Variants in DPP10 observed in about 807,000 individuals in gnomAD.
The protein encoded by DPP10 is inactive dipeptidyl peptidase 10.
In DPP10, 33 loss-of-function variants were observed where a neutral mutation model predicts 120.9. The observed-to-expected ratio is 0.27, with a 90% CI of 0.21 to 0.37. DPP10 has a LOEUF of 0.37. Ranked by LOEUF, DPP10 falls within the 10% of genes least tolerant of loss-of-function variation. The pLI, the probability that DPP10 is intolerant of heterozygous loss-of-function variation, is 1.00. For missense variants in DPP10, 816 were observed against 942.8 expected (o/e 0.87, Z 1.76); for synonymous variants, 337 against 326.1 (o/e 1.03, Z -0.36).
chr2:114,463,828 C>T (rs1342735158), intron 1 of DPP10, among the ~76,000 whole-genome samples: 2 of 152,170 alleles, frequency 1.3e-5, no homozygotes, highest in African/African-American at 4.8e-5. Context: ...CCCTTCAAAT[C>T]TCTGATCAGT....
At chr2:114,497,308 T>TACAC (rs1558814120) in intron 1 of DPP10, among the ~76,000 whole-genome samples, 1 of 66,282 alleles carries the variant, frequency 1.5e-5, no homozygotes, top group African/African-American at 5.3e-5. Flanking sequence ...TATACGTGTA[T>TACAC]ACATGTACAT....
At chr2:115,264,524 C>G (rs2059381573) in intron 1 of DPP10, among the ~76,000 whole-genome samples, 1 of 152,142 alleles carries the variant, frequency 6.6e-6, no homozygotes, top group African/African-American at 2.4e-5. Context: ...CAAGGTCAAG[C>G]TCAAAGTCAG....
intron 5 of DPP10, among the ~76,000 whole-genome samples, chr2:115,636,583 GGA>G (rs1392181259): frequency 1.3e-5 from 2 of 151,792 alleles, no homozygotes; most frequent in African/African-American, 4.8e-5. Flanking sequence ...AGAGAGAAAA[GGA>G]GAGAGACAGA....
intron 21 of DPP10, among the ~76,000 whole-genome samples, chr2:115,833,668 C>G (rs746964604): frequency 5.9e-5 from 9 of 152,176 alleles, no homozygotes; most frequent in Non-Finnish European, 1.0e-4. Context: ...GCCATTAAAA[C>G]TGTTTCATGA....
Position 115,780,855 on chromosome 2 carries a change from T to G in DPP10, c.1362-19T>G. ...AGAATAGTAGCATTTCTATAATAACTTCCTTTTTCTTTCTCCAGTGCTTCT... is the reference window on the plus strand; with the variant it reads ...AGAATAGTAGCATTTCTATAATAACGTCCTTTTTCTTTCTCCAGTGCTTCT... On this transcript the variant is annotated intron_variant, in intron 15 of 25. Transcript: ENST00000410059. 1 of 1,593,372 alleles carries G rather than the reference T, an allele frequency of 6.3e-7. No homozygotes were observed. Among genetic ancestry groups the G allele is most frequent in the Non-Finnish European group, 8.6e-7 (1 of 1,168,458 alleles).
At chr2:114,713,675 A>C (rs1257981793) in intron 1 of DPP10, among the ~76,000 whole-genome samples, 2 of 152,158 alleles carry the variant, frequency 1.3e-5, no homozygotes, top group African/African-American at 4.8e-5. Context: ...TCAAAAAGAA[A>C]AATAATAAGG....
intron 1 of DPP10, among the ~76,000 whole-genome samples, chr2:114,997,354 TG>T (rs1701156756): frequency 6.8e-6 from 1 of 146,868 alleles, no homozygotes; most frequent in Admixed American, 6.8e-5. Flanking sequence ...TAGCTGATCA[TG>T]GTGGCATGCA....
At chr2:115,381,262 T>A (rs921071358) in intron 3 of DPP10, among the ~76,000 whole-genome samples, 1 of 152,200 alleles carries the variant, frequency 6.6e-6, no homozygotes, top group Non-Finnish European at 1.5e-5. Flanking sequence ...CTTTTTATTC[T>A]TTTTTCTCTA....
chr2:115,457,055 C>G (rs948707029), intron 3 of DPP10, among the ~76,000 whole-genome samples: 1 of 151,804 alleles, frequency 6.6e-6, no homozygotes, highest in African/African-American at 2.4e-5. Flanking sequence ...AAATGTGGTA[C>G]TATCATAATG....
intron 3 of DPP10, among the ~76,000 whole-genome samples, chr2:115,393,082 G>T (rs2067430474): frequency 6.6e-6 from 1 of 152,116 alleles, no homozygotes; most frequent in Non-Finnish European, 1.5e-5. Flanking sequence ...GGAGGCTGAG[G>T]TGGGCAGTTC....
At chr2:115,196,423 T>G (rs1014283061) in intron 1 of DPP10, among the ~76,000 whole-genome samples, 1 of 152,202 alleles carries the variant, frequency 6.6e-6, no homozygotes, top group African/African-American at 2.4e-5. Context: ...ATATTTCATA[T>G]TTTATATTTC....
chr2:115,360,697 G>A (rs2064707559), intron 3 of DPP10, among the ~76,000 whole-genome samples: 1 of 152,324 alleles, frequency 6.6e-6, no homozygotes, highest in South Asian at 2.1e-4. Context: ...GGAGGCCTAG[G>A]CTGGCAGTGC....
At chr2:115,620,091 A>T (rs1399577033) in intron 5 of DPP10, among the ~76,000 whole-genome samples, 1 of 152,196 alleles carries the variant, frequency 6.6e-6, no homozygotes, top group African/African-American at 2.4e-5. Flanking sequence ...AATATACACC[A>T]GCTGTTTTTC....
chr2:115,576,125 A>G (rs373577006), intron 5 of DPP10, among the ~76,000 whole-genome samples: 1 of 152,208 alleles, frequency 6.6e-6, no homozygotes, highest in East Asian at 1.9e-4. Context: ...GTTTGAAGCT[A>G]CTGACTTTGT....
intron 1 of DPP10, among the ~76,000 whole-genome samples, chr2:114,484,294 G>A (rs1464213556): frequency 1.3e-5 from 2 of 152,090 alleles, no homozygotes; most frequent in Admixed American, 6.6e-5. Flanking sequence ...GAATCATGGA[G>A]CTCAAAGAAT....
At chr2:115,032,120 A>G (rs1703882023) in intron 1 of DPP10, among the ~76,000 whole-genome samples, 1 of 152,164 alleles carries the variant, frequency 6.6e-6, no homozygotes, top group African/African-American at 2.4e-5. Flanking sequence ...AAAACAAGCA[A>G]TATTTGCTAA....
rs149896831 is a variant in DPP10, at chr2:115,581,504, A to G, written c.441+55532A>G. Among the ~76,000 whole-genome samples the G allele has an allele frequency of 2.1e-3, 322 of 152,214 alleles. 4 individuals carry two copies. Among genetic ancestry groups the G allele is most frequent in the African/African-American group, 7.1e-3 (296 of 41,540 alleles). ...CAATCTCTGACCTGATTTTTCACCA[A>G]CAATTTTCTTGCTCAGCCGCTCATG... is the stretch of plus-strand genomic sequence containing the variant. On this transcript the variant is annotated intron_variant, in intron 5 of 25. Transcript: ENST00000410059.
chr2:115,441,862 C>CT (rs2072093311), intron 3 of DPP10, among the ~76,000 whole-genome samples: 1 of 140,908 alleles, frequency 7.1e-6, no homozygotes, highest in Non-Finnish European at 1.5e-5. Context: ...TTTCCCCAGG[C>CT]TGGAGTGCAG....
chr2:114,741,502 G>A (rs1678058892), intron 1 of DPP10, among the ~76,000 whole-genome samples: 1 of 152,106 alleles, frequency 6.6e-6, no homozygotes, highest in Non-Finnish European at 1.5e-5. Context: ...TTGGCCTATA[G>A]GAACAGGAAG....
Sources: allele counts gnomAD v4.1 joint callset (sites outside exome capture counted in the v4.1 genomes callset), GRCh38; gene constraint gnomAD v4.1.1; transcripts MANE v1.5; gene names NCBI Gene and HGNC (gene_info 2026-07-23, HGNC 2026-07-21).